TTC29: variants seen among roughly 807,000 people sequenced by gnomAD.
TTC29 encodes tetratricopeptide repeat protein 29.
TTC29 carries 49 observed loss-of-function variants against 58.1 expected under a neutral mutation model. The ratio of observed to expected loss-of-function variants is 0.84; its 90% CI spans 0.67 to 1.07. The LOEUF (loss-of-function observed/expected upper bound fraction) is 1.07. Among genes scored for constraint, TTC29 ranks in the 50% least tolerant of loss-of-function variants. The pLI is 0.00. For synonymous variants in TTC29, 209 were observed against 196.8 expected, an observed-to-expected ratio of 1.06 and a Z score of -0.52; for missense variants, 582 against 555.6, an observed-to-expected ratio of 1.05 and a Z score of -0.48.
Position 146,903,622 on chromosome 4 carries a change from C to A in TTC29, c.508G>T (p.Ala170Ser), listed in dbSNP as rs759283637. The change falls in exon 6 of 13, where the codon GCT becomes TCT. Residue 170 changes from alanine (A) to serine (S), a missense_variant. Physicochemically the swap from Ala to Ser is moderately conservative, Grantham distance 99. Transcript: ENST00000325106. ...CCACAGTCAATTTTGATCAGCTGAGCAATCTTAAAACATCGTTCATAGAAG... is the reference window on the plus strand; with the variant it reads ...CCACAGTCAATTTTGATCAGCTGAGAAATCTTAAAACATCGTTCATAGAAG... ...NHFYERCFKI[A>S]QLIKIDCGKK... 8 of 1,612,912 alleles carry A rather than the reference C, an allele frequency of 5.0e-6. No individual in the cohort carries two copies. In the African/African-American group the frequency reaches 8.0e-5, roughly 16 times the overall value.
At chr4:146,853,658 C>T (rs1307040393) in intron 8 of TTC29, among the ~76,000 whole-genome samples, 5 of 151,906 alleles carry the variant, frequency 3.3e-5, no homozygotes, top group Admixed American at 1.3e-4. Context: ...TAATTATTTC[C>T]CTTAGGTAAA....
intron 9 of TTC29, among the ~76,000 whole-genome samples, chr4:146,825,275 G>A (rs1238764478): frequency 1.3e-5 from 2 of 152,176 alleles, no homozygotes; most frequent in Admixed American, 1.3e-4. Context: ...TGCTTTAGCT[G>A]TGTCTTAGAG....
At chr4:146,707,364 A>G in intron 12 of TTC29, 121 bp downstream of exon 12, 1 of 779,870 alleles carries the variant, frequency 1.3e-6, no homozygotes. Context: ...GCAGTGTTTC[A>G]CTATTAAGGT....
chr4:146,830,328 C>G (rs1728074903), intron 9 of TTC29, among the ~76,000 whole-genome samples: 1 of 152,128 alleles, frequency 6.6e-6, no homozygotes, highest in Non-Finnish European at 1.5e-5. Flanking sequence ...ATAATATCAC[C>G]AGGCAGGCAA....
chr4:146,707,942 CA>C (rs1424337597), intron 11 of TTC29, among the ~76,000 whole-genome samples: 1 of 151,962 alleles, frequency 6.6e-6, no homozygotes, highest in Non-Finnish European at 1.5e-5. Flanking sequence ...AGCAAGTCAC[CA>C]TATAAGTCCT....
At chr4:146,749,223 A>G (rs1745782910) in intron 11 of TTC29, among the ~76,000 whole-genome samples, 1 of 151,550 alleles carries the variant, frequency 6.6e-6, no homozygotes, top group Non-Finnish European at 1.5e-5. Flanking sequence ...AGGTAGGAGG[A>G]TCGCCTGAGC....
chr4:146,861,126 T>C (rs896582359), intron 8 of TTC29, among the ~76,000 whole-genome samples: 16 of 152,160 alleles, frequency 1.1e-4, no homozygotes, highest in Non-Finnish European at 5.9e-5. Flanking sequence ...ATTAAGTGAA[T>C]TGATATATTT....
chr4:146,795,775 C>A (rs1344190688), intron 11 of TTC29, among the ~76,000 whole-genome samples: 1 of 152,076 alleles, frequency 6.6e-6, no homozygotes. Flanking sequence ...CTAGAATTGT[C>A]CTAAGAAAGC....
At chr4:146,761,881 A>C (rs1409993190) in intron 11 of TTC29, among the ~76,000 whole-genome samples, 1 of 152,000 alleles carries the variant, frequency 6.6e-6, no homozygotes, top group East Asian at 1.9e-4. Context: ...CGTTGTAAGA[A>C]TTCTGATTAA....
At chr4:146,744,378 A>C (rs1745385664) in intron 11 of TTC29, among the ~76,000 whole-genome samples, 1 of 151,974 alleles carries the variant, frequency 6.6e-6, no homozygotes, top group Non-Finnish European at 1.5e-5. Flanking sequence ...TAAAAGAGAG[A>C]GAGAGAGAGG....
At chr4:146,749,904 G>GA (rs1337370136) in intron 11 of TTC29, among the ~76,000 whole-genome samples, 2 of 152,082 alleles carry the variant, frequency 1.3e-5, no homozygotes, top group Non-Finnish European at 2.9e-5. Flanking sequence ...ACTGCTGAAA[G>GA]AAAAAAACTG....
chr4:146,848,122 T>C (rs1354255461), intron 8 of TTC29, among the ~76,000 whole-genome samples: 3 of 152,216 alleles, frequency 2.0e-5, no homozygotes, highest in Admixed American at 6.5e-5. Context: ...CTGAAATAGA[T>C]GCTGCTTAGA....
At chr4:146,929,863 A>G (rs1204123177) in intron 4 of TTC29, among the ~76,000 whole-genome samples, 1 of 151,992 alleles carries the variant, frequency 6.6e-6, no homozygotes, top group East Asian at 1.9e-4. Context: ...CCTGTATTTA[A>G]TATGACTTAA....
At chr4:146,871,650 C>T (rs541555720) in intron 7 of TTC29, among the ~76,000 whole-genome samples, 2 of 151,408 alleles carry the variant, frequency 1.3e-5, no homozygotes, top group Non-Finnish European at 3.0e-5. Context: ...AGAAACAATT[C>T]CATTTACAAT....
chr4:146,763,714 GAAGTAA>G (rs1398649495), intron 11 of TTC29: 1 of 152,076 alleles, frequency 6.6e-6, no homozygotes, highest in Non-Finnish European at 1.5e-5. Context: ...TAGGATGACA[GAAGTAA>G]AAGTGATATC....
intron 11 of TTC29, among the ~76,000 whole-genome samples, chr4:146,773,142 G>A (rs1004276425): frequency 9.2e-5 from 14 of 151,964 alleles, no homozygotes; most frequent in African/African-American, 3.4e-4. Context: ...GGTTTTCCAG[G>A]TATAGTATCA....
At chr4:146,898,777 T>C (rs1732943324) in intron 6 of TTC29, among the ~76,000 whole-genome samples, 1 of 151,970 alleles carries the variant, frequency 6.6e-6, no homozygotes, top group Admixed American at 6.6e-5. Flanking sequence ...GCTAATGAAG[T>C]GGGAGATGAT....
chr4:146,848,617 T>C (rs1729324302), intron 8 of TTC29, among the ~76,000 whole-genome samples: 2 of 152,212 alleles, frequency 1.3e-5, no homozygotes, highest in South Asian at 2.1e-4. Flanking sequence ...AGCATTCTTA[T>C]AGTAAGCTTT....
chr4:146,896,127 C>A (rs1732754154), intron 6 of TTC29, among the ~76,000 whole-genome samples: 1 of 152,116 alleles, frequency 6.6e-6, no homozygotes, highest in African/African-American at 2.4e-5. Context: ...AATTTTTTTA[C>A]AGCAGGATTT....
Sources: gnomAD v4.1 joint callset for allele counts (sites outside exome capture counted in the v4.1 genomes callset) on GRCh38, gnomAD v4.1.1 for gene constraint, MANE v1.5 for transcripts, NCBI Gene and HGNC (gene_info 2026-07-23, HGNC 2026-07-21) for gene names.